The following USH2A variants were observed in gnomAD, a reference collection of about 807,000 sequenced individuals.
The protein encoded by USH2A is usherin.
Under a neutral mutation model 538.9 loss-of-function variants are expected in USH2A, and 443 were observed. The observed-to-expected ratio is 0.82, with a 90% CI of 0.76 to 0.89. The LOEUF is 0.89. Among genes scored for constraint, USH2A ranks in the 40% least tolerant of loss-of-function variants. The pLI, the probability that USH2A is intolerant of heterozygous loss-of-function variation, is 0.00. For synonymous variants in USH2A, 2,413 were observed against 2,273.5 expected, an observed-to-expected ratio of 1.06 and a Z score of -1.75; for missense variants, 6,633 against 6,324.8, an observed-to-expected ratio of 1.05 and a Z score of -1.65.
intron 38 of USH2A, among the ~76,000 whole-genome samples, chr1:215,915,558 C>T (rs986772154): frequency 6.6e-6 from 1 of 152,046 alleles, no homozygotes; most frequent in South Asian, 2.1e-4. Context: ...TCAAGACACC[C>T]TTGGCTCTGA....
rs146597783 is a variant in USH2A at position 215,665,782 on chromosome 1, ATCT to A, written c.14133+5187_14133+5189del. ...AGAAATGATTATTGTCTTTAAAAAA[ATCT>A]TCTTGGATTTGTAAATATTCTGTAG... On this transcript the variant is annotated intron_variant, in intron 64 of 71. Transcript: ENST00000307340. Among the ~76,000 whole-genome samples, 1,434 of 152,346 alleles carry A rather than the reference ATCT, an allele frequency of 9.4e-3. 26 individuals are homozygous for A. Among genetic ancestry groups the A allele is most frequent in the African/African-American group, 0.033 (1,365 of 41,578 alleles).
At chr1:215,970,431 T>C (rs1246137860) in intron 36 of USH2A, among the ~76,000 whole-genome samples, 194 bp downstream of exon 36, 1 of 152,192 alleles carries the variant, frequency 6.6e-6, no homozygotes, top group East Asian at 1.9e-4. Context: ...ACTGGACCTA[T>C]GTTCAGTCTT....
intron 34 of USH2A, among the ~76,000 whole-genome samples, chr1:215,996,610 A>G (rs999181216): frequency 1.4e-4 from 13 of 92,594 alleles, no homozygotes; most frequent in Non-Finnish European, 2.3e-4. Flanking sequence ...TGGAAAGAGT[A>G]TGTTTTGGAA....
At chr1:216,216,709 G>T (rs1254364449) in intron 15 of USH2A, among the ~76,000 whole-genome samples, 4 of 152,046 alleles carry the variant, frequency 2.6e-5, no homozygotes, top group Admixed American at 1.3e-4. Context: ...AGGTGACCTT[G>T]TGAGGTCAAT....
intron 21 of USH2A, among the ~76,000 whole-genome samples, chr1:216,125,239 C>CA (rs5780870): frequency 0.051 from 7,359 of 145,364 alleles, 533 homozygotes; most frequent in African/African-American, 0.16. Flanking sequence ...TTTAAACAAG[C>CA]AAAAAAAAAA....
chr1:216,416,743 T>C (rs547344635), intron 3 of USH2A, among the ~76,000 whole-genome samples: 9 of 152,244 alleles, frequency 5.9e-5, no homozygotes, highest in Admixed American at 2.0e-4. Flanking sequence ...TAAACTTTCT[T>C]TGTGAAGCTT....
chr1:216,187,404 G>A lies in USH2A; in HGVS notation c.4396+2819C>T, dbSNP rs557323233. 1.6e-4 allele frequency among the ~76,000 whole-genome samples: 25 copies of A among 151,888 alleles called. No homozygotes were observed. The East Asian group carries it at 2.5e-3, about 15-fold the overall frequency. ...AAAATGTAGTAATAATACATTTATG[G>A]CACATTATTAACTCTATATTGCAAC... On this transcript the variant is annotated intron_variant, in intron 20 of 71. Transcript: ENST00000307340.
chr1:216,119,677 T>C (rs2033086648), intron 21 of USH2A, among the ~76,000 whole-genome samples: 2 of 152,192 alleles, frequency 1.3e-5, no homozygotes, highest in South Asian at 4.1e-4. Context: ...AAATTGAGCA[T>C]GTATATCATT....
chr1:215,674,848 C>G lies in USH2A; in HGVS notation c.13063G>C (p.Ala4355Pro). 1.2e-6 allele frequency: 2 copies of G among 1,614,162 alleles called. No homozygotes were observed. The highest frequency in any genetic ancestry group is 1.7e-6 in the Non-Finnish European group (2 of 1,180,034). Residue 4355 changes from alanine (A) to proline (P), a missense_variant, in exon 63 of 72, where the codon GCT (alanine) becomes CCT (proline). Coordinates refer to ENST00000307340, the MANE Select transcript of USH2A (RefSeq NM_206933.4). ...KPTSITTLEA[A>P]PSEVSPPDLW... ...TCTGGAGGGCTGACTTCTGATGGAG[C>G]AGCCTCCAGAGTTGTGATGCTGGTG... is the stretch of plus-strand genomic sequence containing the variant.
chr1:215,878,682 G>T, intron 42 of USH2A, 82 bp downstream of exon 42: 2 of 1,404,866 alleles, frequency 1.4e-6, no homozygotes, highest in East Asian at 2.4e-5. Flanking sequence ...GTTCATATAG[G>T]AATAAAAGCC....
chr1:215,791,924 C>T lies in USH2A; in HGVS notation c.9959-1642G>A, dbSNP rs116233343. Among the ~76,000 whole-genome samples, 1,462 of 152,012 alleles carry T rather than the reference C, an allele frequency of 9.6e-3. 22 individuals are homozygous for T. The highest frequency in any genetic ancestry group is 0.032 in the African/African-American group (1,328 of 41,440). On this transcript the variant is annotated intron_variant, in intron 50 of 71. Transcript: ENST00000307340. ...CACACATAAACTAAAAAGAAAAATC[C>T]GTAGCTTCAAGTTTTATATTGTTCG... is the stretch of plus-strand genomic sequence containing the variant.
At chr1:215,682,879 A>C (rs1485802569) in intron 61 of USH2A, among the ~76,000 whole-genome samples, 2 of 151,570 alleles carry the variant, frequency 1.3e-5, no homozygotes, top group Non-Finnish European at 2.9e-5. Flanking sequence ...TATTATTATT[A>C]TTCTTATTTT....
intron 38 of USH2A, among the ~76,000 whole-genome samples, chr1:215,903,398 G>C (rs559563781): frequency 6.6e-6 from 1 of 152,214 alleles, no homozygotes; most frequent in African/African-American, 2.4e-5. Context: ...TGGGGCAGCA[G>C]CTAGAAAAGC....
intron 49 of USH2A, among the ~76,000 whole-genome samples, chr1:215,803,143 A>T (rs986384816): frequency 1.3e-5 from 2 of 152,162 alleles, no homozygotes; most frequent in Non-Finnish European, 2.9e-5. Context: ...CAAAATAATA[A>T]GAGCTATCTA....
intron 50 of USH2A, among the ~76,000 whole-genome samples, chr1:215,797,273 A>C (rs1343570495): frequency 6.6e-6 from 1 of 152,236 alleles, no homozygotes; most frequent in African/African-American, 2.4e-5. Context: ...CCATCTTCAT[A>C]ACATAAAAGT....
At chr1:216,066,524 C>T (rs1355962003) in intron 30 of USH2A, among the ~76,000 whole-genome samples, 1 of 152,032 alleles carries the variant, frequency 6.6e-6, no homozygotes, top group African/African-American at 2.4e-5. Context: ...AATTACCAAG[C>T]ATTAAGCATA....
At chr1:215,901,917 T>C (rs1665512014) in intron 38 of USH2A, among the ~76,000 whole-genome samples, 1 of 152,190 alleles carries the variant, frequency 6.6e-6, no homozygotes, top group South Asian at 2.1e-4. Context: ...CTATATTTTC[T>C]GATCTCTAAA....
chr1:215,629,773 CTTTT>C (rs34349385), intron 70 of USH2A, among the ~76,000 whole-genome samples: 1 of 125,054 alleles, frequency 8.0e-6, no homozygotes, highest in Non-Finnish European at 1.7e-5. Context: ...CTTTTCTTTT[CTTTT>C]TTTTTTTTTT....
At chr1:216,022,818 A>C (rs1390047679) in intron 32 of USH2A, among the ~76,000 whole-genome samples, 1 of 152,164 alleles carries the variant, frequency 6.6e-6, no homozygotes, top group African/African-American at 2.4e-5. Context: ...CCCTGGTGGA[A>C]AACTATTCCA....
Sources: allele counts gnomAD v4.1 joint callset (sites outside exome capture counted in the v4.1 genomes callset), GRCh38; gene constraint gnomAD v4.1.1; transcripts MANE v1.5; gene names NCBI Gene and HGNC (gene_info 2026-07-23, HGNC 2026-07-21).